ADAM12: variants seen among roughly 807,000 people sequenced by gnomAD.
The protein encoded by ADAM12 is disintegrin and metalloproteinase domain-containing protein 12.
Under a neutral mutation model 106.4 loss-of-function variants are expected in ADAM12, and 70 were observed. The observed-to-expected ratio is 0.66, with a 90% CI of 0.54 to 0.80. ADAM12 has a LOEUF of 0.80. Ranked by LOEUF, ADAM12 falls within the 30% of genes least tolerant of loss-of-function variation. The pLI, the probability that ADAM12 is intolerant of heterozygous loss-of-function variation, is 0.00. For synonymous variants in ADAM12, 420 were observed against 433.5 expected (o/e 0.97, Z 0.39); for missense variants, 1,010 against 1,171.9 (o/e 0.86, Z 2.02).
At chr10:126,017,867 A>T (rs929480078) in intron 22 of ADAM12, among the ~76,000 whole-genome samples, 2 of 152,244 alleles carry the variant, frequency 1.3e-5, no homozygotes, top group Admixed American at 1.3e-4. Flanking sequence ...CAAAATCAGC[A>T]ACTGACCAGA....
rs535440235 is a variant in ADAM12, at chr10:126,054,160, C to G, written c.1610-4491G>C. On this transcript the variant is annotated intron_variant, in intron 14 of 22. Coordinates refer to ENST00000448723, the MANE Select transcript of ADAM12 (RefSeq NM_001288973.2). ...AACACTTTTTAATAGAGAAAGTGAG[C>G]ACTTTCTCTATTAGCCCAGTGGGTG... is the stretch of plus-strand genomic sequence containing the variant. 4.9e-4 allele frequency among the ~76,000 whole-genome samples: 75 copies of G among 152,326 alleles called. 1 individual carries two copies. The highest frequency in any genetic ancestry group is 3.4e-3 in the Middle Eastern group (1 of 294).
At chr10:126,324,681 T>C (rs1448933773) in intron 2 of ADAM12, among the ~76,000 whole-genome samples, 1 of 152,136 alleles carries the variant, frequency 6.6e-6, no homozygotes, top group African/African-American at 2.4e-5. Context: ...CAAACCTTAC[T>C]ATTTCAGGGG....
chr10:126,062,392 G>A (rs536513003), intron 14 of ADAM12, among the ~76,000 whole-genome samples: 1 of 152,220 alleles, frequency 6.6e-6, no homozygotes, highest in Admixed American at 6.5e-5. Flanking sequence ...CCCCTCCTTA[G>A]GAAGAGGACG....
chr10:126,165,375 G>A (rs930804583), intron 3 of ADAM12, among the ~76,000 whole-genome samples: 1 of 152,166 alleles, frequency 6.6e-6, no homozygotes, highest in Non-Finnish European at 1.5e-5. Context: ...CGCCATGTTG[G>A]CCAGACTGGT....
intron 9 of ADAM12, among the ~76,000 whole-genome samples, chr10:126,100,402 T>G (rs1489897513): frequency 7.2e-5 from 11 of 152,114 alleles, no homozygotes; most frequent in South Asian, 2.1e-4. Flanking sequence ...TAATGATGAA[T>G]CTTTAAAAAC....
intron 3 of ADAM12, among the ~76,000 whole-genome samples, chr10:126,214,202 T>C (rs979905744): frequency 3.3e-5 from 5 of 152,172 alleles, no homozygotes; most frequent in Non-Finnish European, 2.9e-5. Context: ...TTGTTGGCCG[T>C]GGTCGTATGC....
At chr10:126,318,545 C>T (rs72828737) in intron 2 of ADAM12, among the ~76,000 whole-genome samples, 38,980 of 138,258 alleles carry the variant, frequency 0.28, 5,099 homozygotes, top group East Asian at 0.37. Context: ...TTCACACACA[C>T]TCAAACTCAC....
At chr10:126,034,872 G>T (rs1026123719) in intron 21 of ADAM12, among the ~76,000 whole-genome samples, 1 of 152,130 alleles carries the variant, frequency 6.6e-6, no homozygotes, top group Non-Finnish European at 1.5e-5. Flanking sequence ...ATCAGATAAA[G>T]TAGATTTTAG....
chr10:126,332,827 C>G (rs1854568918), intron 1 of ADAM12, among the ~76,000 whole-genome samples: 1 of 152,222 alleles, frequency 6.6e-6, no homozygotes. Context: ...TTTGCCAAGA[C>G]CAGGGTCTCT....
chr10:126,212,122 T>C (rs111904902), intron 3 of ADAM12, among the ~76,000 whole-genome samples: 8 of 152,204 alleles, frequency 5.3e-5, no homozygotes, highest in African/African-American at 1.9e-4. Context: ...TACATTGCCA[T>C]GCCAGGTACC....
intron 2 of ADAM12, among the ~76,000 whole-genome samples, chr10:126,324,282 T>C (rs530370556): frequency 1.3e-5 from 2 of 152,310 alleles, no homozygotes; most frequent in East Asian, 3.9e-4. Flanking sequence ...GCTTAAGTGG[T>C]GCTTCAAGAA....
chr10:126,125,608 AC>A (rs781636132), intron 5 of ADAM12, among the ~76,000 whole-genome samples: 3 of 151,980 alleles, frequency 2.0e-5, no homozygotes, highest in Non-Finnish European at 4.4e-5. Context: ...AGCCCATTTT[AC>A]TAATGAGGAA....
At position 126,388,068 on chromosome 10, in the gene ADAM12, G is replaced by T. The variant is rs779415530; in HGVS notation, c.78C>A (p.Cys26Ter). Residue 26 changes from cysteine (C) to a stop codon, truncating the protein, a stop_gained, in exon 1 of 23, where the codon TGC (cysteine) becomes TGA (stop). Coordinates refer to ENST00000448723, the MANE Select transcript of ADAM12 (RefSeq NM_001288973.2). LOFTEE classifies it high-confidence loss of function. The surrounding 1 kb of genome is among the most constrained non-coding windows in gnomAD (Gnocchi z 4.4). ...AGTTCGGCGACTTACCTCGGGCCTC[G>T]CAGGGCGCGAGCAGAGCACCGGCCA... ...LALAGALLAPCEARGVSLWNQ... is the reference protein window; with the variant it reads ...LALAGALLAP The T allele has an allele frequency of 5.7e-6, 7 of 1,226,968 alleles. No homozygotes were observed. Among genetic ancestry groups the T allele is most frequent in the Non-Finnish European group, 6.1e-6 (6 of 983,520 alleles). The allele number at this position is 1,226,968 out of a possible 1,614,324, so 76.0% of individuals were successfully genotyped here. A position where few individuals can be genotyped will look rare whatever the true frequency, so the allele number is the denominator to read the frequency against.
At chr10:126,357,628 A>G (rs12411674) in intron 1 of ADAM12, among the ~76,000 whole-genome samples, 16,813 of 152,200 alleles carry the variant, frequency 0.11, 1,283 homozygotes, top group East Asian at 0.25. Flanking sequence ...GAAACTTATG[A>G]TCATAGCAGA....
chr10:126,101,220 G>A lies in ADAM12; in HGVS notation c.763C>T (p.Arg255Trp), dbSNP rs915939645. Residue 255 changes from arginine to tryptophan, a missense_variant, in exon 9 of 23, where the codon CGG (arginine) becomes TGG (tryptophan). Around this residue, in one of 3 missense-constraint regions of ADAM12, gnomAD observed 391 missense variants for 442.9 expected, o/e 0.88. Transcript: ENST00000448723. Reference sequence around the variant, plus strand: ...ACTTCCACGCCTACCAACACGATCCGAATGTTCAGTGGTCTGTAAAACTGG... The same window carrying A: ...ACTTCCACGCCTACCAACACGATCCAAATGTTCAGTGGTCTGTAAAACTGG... ...VDKFYRPLNI[R>W]IVLVGVEVWN... The A allele has an allele frequency of 3.1e-6, 5 of 1,614,110 alleles. No homozygotes were observed. The highest frequency in any genetic ancestry group is 1.1e-5 in the South Asian group (1 of 91,080).
intron 3 of ADAM12, among the ~76,000 whole-genome samples, chr10:126,194,184 C>G (rs1269441580): frequency 6.8e-6 from 1 of 147,312 alleles, no homozygotes; most frequent in East Asian, 2.0e-4. Flanking sequence ...AATGTTAAAT[C>G]AAACTTTGGA....
intron 4 of ADAM12, among the ~76,000 whole-genome samples, chr10:126,140,771 A>C (rs890576236): frequency 1.3e-5 from 2 of 152,254 alleles, no homozygotes; most frequent in African/African-American, 4.8e-5. Flanking sequence ...TTATAACATA[A>C]GTCAAAACAC....
intron 1 of ADAM12, among the ~76,000 whole-genome samples, chr10:126,374,297 G>A (rs973709562): frequency 1.1e-4 from 16 of 152,170 alleles, no homozygotes; most frequent in African/African-American, 3.9e-4. Flanking sequence ...TAGCAGTGGA[G>A]GGAAAAAAGC....
intron 21 of ADAM12, among the ~76,000 whole-genome samples, chr10:126,028,144 T>C (rs1400414882): frequency 6.6e-6 from 1 of 151,740 alleles, no homozygotes; most frequent in Non-Finnish European, 1.5e-5. Flanking sequence ...AAGGACCTCT[T>C]CAAGGAGAAC....
Sources: allele counts gnomAD v4.1 joint callset (sites outside exome capture counted in the v4.1 genomes callset), GRCh38; gene constraint gnomAD v4.1.1; regional missense constraint gnomAD v4.1.1; non-coding constraint Gnocchi (gnomAD v3.1); transcripts MANE v1.5; gene names NCBI Gene and HGNC (gene_info 2026-07-23, HGNC 2026-07-21).